The following FGR variants were observed in gnomAD, a reference collection of about 807,000 sequenced individuals.
FGR encodes the protein tyrosine-protein kinase Fgr.
In FGR, 26 loss-of-function variants were observed where a neutral mutation model predicts 63.2. The observed-to-expected ratio is 0.41, with a 90% CI of 0.30 to 0.57. The LOEUF (loss-of-function observed/expected upper bound fraction) is 0.57, where lower values mean the gene tolerates loss of function less well. Among genes scored for constraint, FGR ranks in the 20% least tolerant of loss-of-function variants. FGR has a pLI of 0.27. For missense variants in FGR, 511 were observed against 690.8 expected, an observed-to-expected ratio of 0.74 and a Z score of 2.92; for synonymous variants, 286 against 277.7, an observed-to-expected ratio of 1.03 and a Z score of -0.30.
intron 9 of FGR, 36 bp from the exon 10 acceptor site, chr1:27,614,962 A>T: frequency 1.3e-6 from 2 of 1,541,974 alleles, no homozygotes; most frequent in Non-Finnish European, 8.8e-7. Context: ...GCAAAGCCCT[A>T]CCCCGGGCCC....
chr1:27,626,255 G>GAGAGGGCTTGGTTTCCTA, intron 1 of FGR: 1 of 398,688 alleles, frequency 2.5e-6, no homozygotes, highest in Non-Finnish European at 4.4e-6. Flanking sequence ...ACCGACTGGT[G>GAGAGGGCTTGGTTTCCTA]AGAGGGCTTG....
intron 1 of FGR, among the ~76,000 whole-genome samples, chr1:27,625,811 C>T (rs1263951279): frequency 2.0e-5 from 3 of 152,048 alleles, no homozygotes; most frequent in South Asian, 4.1e-4. Flanking sequence ...TGGAGGTGGG[C>T]GCCTGTAGTC....
At chr1:27,635,020 G>A (rs1218270844) in intron 1 of FGR, 45 bp downstream of exon 1, 1 of 152,188 alleles carries the variant, frequency 6.6e-6, no homozygotes, top group African/African-American at 2.4e-5. Flanking sequence ...CGAGGGGGAG[G>A]GCACTGCTTG....
At position 27,615,576 on chromosome 1, in the gene FGR, C is replaced by A; in HGVS notation, c.876G>T (p.Thr292=). ...WNGSTKVAVK[T]LKPGTMSPKA... ...TCGGGGACATGGTGCCCGGCTTCAG[C>A]GTCTTCACCGCCACCTTAGTGCTGC... The change falls in exon 9 of 13, where the codon ACG becomes ACT. Residue 292 remains threonine, a synonymous_variant. Coordinates refer to ENST00000374005, the MANE Select transcript of FGR (RefSeq NM_005248.3). The surrounding 1 kb of genome is among the most constrained non-coding windows in gnomAD (Gnocchi z 7.6). 1 of 1,613,214 alleles carries A rather than the reference C, an allele frequency of 6.2e-7. No homozygotes were observed. The highest frequency in any genetic ancestry group is 8.5e-7 in the Non-Finnish European group (1 of 1,179,230).
In FGR at chr1:27,614,613, G is replaced by A. The variant is rs778448040; in HGVS notation, c.1096-30C>T. 3.7e-6 allele frequency: 6 copies of A among 1,610,620 alleles called. No homozygotes were observed. The African/African-American group carries it at 6.7e-5, about 18-fold the overall frequency. On this transcript the variant is annotated intron_variant, in intron 10 of 12. Coordinates refer to ENST00000374005, the MANE Select transcript of FGR (RefSeq NM_005248.3). ...GGGACCATAGTGTGGAGAGATGGGA[G>A]CTCATGTGGACTCACAACACCGTGG... is the stretch of plus-strand genomic sequence containing the variant.
intron 5 of FGR, 73 bp downstream of exon 5, chr1:27,621,486 C>A (rs966575834): frequency 6.6e-6 from 7 of 1,059,336 alleles, no homozygotes; most frequent in Non-Finnish European, 1.0e-5. Context: ...AATGACTTGT[C>A]CAAGAGGTGG....
chr1:27,624,444 C>T (rs1243761771), intron 2 of FGR, among the ~76,000 whole-genome samples: 1 of 152,140 alleles, frequency 6.6e-6, no homozygotes, highest in East Asian at 1.9e-4. Context: ...TGCTATATTG[C>T]TCAGGTTGGG....
At position 27,612,639 on chromosome 1, in the gene FGR, G is replaced by A. The variant is rs760339911; in HGVS notation, c.*275C>T. On this transcript the variant is annotated 3_prime_UTR_variant, in exon 13 of 13. Coordinates refer to ENST00000374005, the MANE Select transcript of FGR (RefSeq NM_005248.3). ...GACAAGGTCTGAGCACTTTGGGTGG[G>A]GATGGAGTGAGAAAGGCTACAGGCA... 9 of 433,640 alleles carry A rather than the reference G, an allele frequency of 2.1e-5. No individual in the cohort carries two copies. The highest frequency in any genetic ancestry group is 6.7e-5 in the South Asian group (2 of 29,874). The allele number at this position is 433,640 out of a possible 1,614,324, so 26.9% of individuals were successfully genotyped here.
At chr1:27,634,704 C>T (rs544304097) in intron 1 of FGR, among the ~76,000 whole-genome samples, 65 of 152,132 alleles carry the variant, frequency 4.3e-4, no homozygotes, top group Non-Finnish European at 1.9e-4. Context: ...CCTTCAGTTT[C>T]TCCCCCAGAC....
intron 1 of FGR, among the ~76,000 whole-genome samples, chr1:27,627,715 T>C (rs1032325078): frequency 6.6e-6 from 1 of 152,090 alleles, no homozygotes; most frequent in African/African-American, 2.4e-5. Flanking sequence ...TTCAAGCCAT[T>C]CTCTTGCCTC....
At chr1:27,623,573 C>T (rs961270715) in intron 3 of FGR, 118 bp downstream of exon 3, 18 of 1,003,838 alleles carry the variant, frequency 1.8e-5, no homozygotes, top group Non-Finnish European at 2.3e-5. Context: ...ATCTTGAAAG[C>T]GGGGTTGTAT....
At position 27,614,935 on chromosome 1, in the gene FGR, A is replaced by G. The variant is rs766898502; in HGVS notation, c.1019-9T>C. 3 of 1,592,322 alleles carry G rather than the reference A, an allele frequency of 1.9e-6. No homozygotes were observed. The East Asian group carries it at 6.8e-5, about 36-fold the overall frequency. On this transcript the variant is annotated splice_polypyrimidine_tract_variant and intron_variant, in intron 9 of 12. Coordinates refer to ENST00000374005, the MANE Select transcript of FGR (RefSeq NM_005248.3). Reference sequence around the variant, plus strand: ...AAAATCCAGCAAGCTGCCTGGGAAGAAGCCAGAAAGTCAGCGGCAAAGCCC... The same window carrying G: ...AAAATCCAGCAAGCTGCCTGGGAAGGAGCCAGAAAGTCAGCGGCAAAGCCC...
At chr1:27,630,860 G>A (rs1477911571) in intron 1 of FGR, among the ~76,000 whole-genome samples, 1 of 151,912 alleles carries the variant, frequency 6.6e-6, no homozygotes, top group Non-Finnish European at 1.5e-5. Flanking sequence ...GGACCGCAGT[G>A]CTCCTCACTT....
chr1:27,613,571 C>A (rs1377125347), intron 11 of FGR, among the ~76,000 whole-genome samples: 1 of 151,668 alleles, frequency 6.6e-6, no homozygotes, highest in Admixed American at 6.6e-5. Context: ...GGCATGGTGG[C>A]GGGTGCCTGT....
intron 1 of FGR, among the ~76,000 whole-genome samples, chr1:27,634,397 TC>T (rs35579329): frequency 6.6e-6 from 1 of 151,554 alleles, no homozygotes; most frequent in Admixed American, 6.6e-5. Context: ...CCGGCAGGAG[TC>T]CCCTGCAGCC....
chr1:27,619,732 C>T (rs1215570844), intron 5 of FGR, among the ~76,000 whole-genome samples: 1 of 152,238 alleles, frequency 6.6e-6, no homozygotes, highest in African/African-American at 2.4e-5. Context: ...ATGTTCCTCT[C>T]CACAAACCAC....
intron 1 of FGR, among the ~76,000 whole-genome samples, chr1:27,630,337 G>A (rs2090088357): frequency 6.6e-6 from 1 of 152,230 alleles, no homozygotes. Context: ...ACAGGCATGA[G>A]CCACTGCACC....
intron 1 of FGR, chr1:27,626,212 C>CAGAA: frequency 2.5e-6 from 1 of 398,680 alleles, no homozygotes. Context: ...CACACCCTGC[C>CAGAA]AGAAACATTG....
chr1:27,619,254 G>C (rs921096672), intron 5 of FGR, among the ~76,000 whole-genome samples: 1 of 151,962 alleles, frequency 6.6e-6, no homozygotes, highest in African/African-American at 2.4e-5. Flanking sequence ...GCAGTGGCTC[G>C]ATCTCAGCTC....
Sources: gnomAD v4.1 joint callset for allele counts (sites outside exome capture counted in the v4.1 genomes callset) on GRCh38, gnomAD v4.1.1 for gene constraint, Gnocchi (gnomAD v3.1) non-coding constraint, MANE v1.5 for transcripts, NCBI Gene and HGNC (gene_info 2026-07-23, HGNC 2026-07-21) for gene names.